The following ALG9 variants were observed in gnomAD, a reference collection of about 807,000 sequenced individuals.
ALG9 encodes alpha-1,2-mannosyltransferase ALG9.
Under a neutral mutation model 81.8 loss-of-function variants are expected in ALG9, and 55 were observed. The ratio of observed to expected loss-of-function variants is 0.67; its 90% CI spans 0.54 to 0.84. ALG9 has a LOEUF of 0.84. ALG9 is among the 40% of genes least tolerant of loss of function. The pLI, the probability that ALG9 is intolerant of heterozygous loss-of-function variation, is 0.00. For missense variants in ALG9, 629 were observed against 745.0 expected, an observed-to-expected ratio of 0.84 and a Z score of 1.81; for synonymous variants, 278 against 274.3, an observed-to-expected ratio of 1.01 and a Z score of -0.13.
chr11:111,826,866 T>C (rs1360882216), intron 13 of ALG9, among the ~76,000 whole-genome samples: 2 of 152,156 alleles, frequency 1.3e-5, no homozygotes, highest in Admixed American at 6.5e-5. Context: ...GATTTTATTG[T>C]TCTTTTTCTA....
intron 13 of ALG9, among the ~76,000 whole-genome samples, chr11:111,828,628 A>G (rs532772903): frequency 6.6e-6 from 1 of 152,274 alleles, no homozygotes; most frequent in Non-Finnish European, 1.5e-5. Context: ...TTGATAGAAC[A>G]CTTATCTTCC....
Position 111,837,559 on chromosome 11 carries a change from T to C in ALG9, c.1381A>G (p.Thr461Ala), listed in dbSNP as rs782706746. The C allele has an allele frequency of 5.1e-5, 83 of 1,614,010 alleles. No homozygotes were observed. The highest frequency in any genetic ancestry group is 3.2e-5 in the Non-Finnish European group (38 of 1,180,014). ...CTGCCTTCTGGGACAGTGTGGATGG[T>C]TGGGTCTGTAGCAATTCGGTAAAAT... ...PEFYRIATDP[T>A]IHTVPEGRPV... The change falls in exon 12 of 15, where the codon ACC (threonine) becomes GCC (alanine). Residue 461 changes from threonine to alanine, a missense_variant. Transcript: ENST00000616540.
At chr11:111,836,667 A>G (rs1555117931) in intron 12 of ALG9, 2 of 303,490 alleles carry the variant, frequency 6.6e-6, no homozygotes, top group East Asian at 1.7e-4. Context: ...AATATATGGC[A>G]CTGAGAACAC....
chr11:111,775,175 C>T, the ALG9 span, among the ~76,000 whole-genome samples: 1 of 152,180 alleles, frequency 6.6e-6, no homozygotes, highest in South Asian at 2.1e-4. Context: ...TCCAACTAGA[C>T]AGAGGTTTGA....
chr11:111,785,795 C>A lies in ALG9; in HGVS notation c.*602G>T. 4.1e-6 allele frequency: 1 copy of A among 241,804 alleles called. No homozygotes were observed. Among genetic ancestry groups the A allele is most frequent in the Non-Finnish European group, 8.3e-6 (1 of 119,984 alleles). 15.0% of individuals were successfully genotyped at this position (241,804 alleles called of 1,614,324 possible). ...CAGTTCCTCAAATGGTCACCTTTTT[C>A]CTGAGATAGCTCCAGGACAGGGTCC... On this transcript the variant is annotated 3_prime_UTR_variant, in exon 15 of 15. Transcript: ENST00000616540.
intron 13 of ALG9, among the ~76,000 whole-genome samples, chr11:111,815,934 G>C (rs1290177168): frequency 6.6e-6 from 1 of 152,176 alleles, no homozygotes; most frequent in African/African-American, 2.4e-5. Context: ...ACCTAGGTTA[G>C]TGTCTATTAT....
At chr11:111,806,449 C>G (rs534044277) in intron 14 of ALG9, among the ~76,000 whole-genome samples, 2 of 152,222 alleles carry the variant, frequency 1.3e-5, no homozygotes, top group African/African-American at 4.8e-5. Context: ...GCTTCTGACA[C>G]AGGTGACCAC....
rs782727331 is a variant in ALG9 at position 111,837,589 on chromosome 11, G to A, written c.1351C>T (p.Pro451Ser). 13 of 1,613,964 alleles carry A rather than the reference G, an allele frequency of 8.1e-6. No homozygotes were observed. The South Asian group carries it at 1.4e-4, about 18-fold the overall frequency. ...TCTGTAGCAATTCGGTAAAATTCTG[G>A]ATACAAATCAAGGGGCCCGTGATAT... Reference protein sequence around the residue: ...RGYHGPLDLYPEFYRIATDPT... With the variant: ...RGYHGPLDLYSEFYRIATDPT... The change falls in exon 12 of 15, where the codon CCA becomes TCA. Residue 451 changes from proline (P) to serine (S), a missense_variant. By Grantham distance (74) the Pro-to-Ser change is moderately conservative. Coordinates refer to ENST00000616540, the MANE Select transcript of ALG9 (RefSeq NM_024740.2).
intron 8 of ALG9, among the ~76,000 whole-genome samples, chr11:111,849,264 T>C (rs1191779082): frequency 6.6e-6 from 1 of 152,122 alleles, no homozygotes; most frequent in South Asian, 2.1e-4. Flanking sequence ...TCGGCCAGGC[T>C]GGTCTCGAAC....
intron 9 of ALG9, among the ~76,000 whole-genome samples, chr11:111,844,349 G>A (rs1956657137): frequency 6.6e-6 from 1 of 152,130 alleles, no homozygotes; most frequent in South Asian, 2.1e-4. Context: ...GGGTGATTGT[G>A]TAAATTATAT....
At position 111,784,407 on chromosome 11, in the gene ALG9, A is replaced by C. The variant is rs1255683394; in HGVS notation, c.*1990T>G. On this transcript the variant is annotated 3_prime_UTR_variant, in exon 15 of 15. Transcript: ENST00000616540. ...TCTCTTGGCACCAGTTCCTATTAGA[A>C]TGCCCTTCTCTTTGAAAATGAAAGA... 3 of 152,244 alleles carry C rather than the reference A, an allele frequency of 2.0e-5. 1 individual carries two copies. Among genetic ancestry groups the C allele is most frequent in the African/African-American group, 7.2e-5 (3 of 41,464 alleles). 9.4% of individuals were successfully genotyped at this position (152,244 alleles called of 1,614,324 possible). A position where few individuals can be genotyped will look rare whatever the true frequency, so the allele number is the denominator to read the frequency against.
At chr11:111,853,785 A>T in intron 6 of ALG9, 49 bp from the exon 7 acceptor site, 1 of 1,491,648 alleles carries the variant, frequency 6.7e-7, no homozygotes, top group Middle Eastern at 1.7e-4. Context: ...ACTGACAGAG[A>T]CAAATCAGAT....
intron 14 of ALG9, chr11:111,805,030 A>G: frequency 3.6e-6 from 1 of 276,758 alleles, no homozygotes; most frequent in Middle Eastern, 1.2e-3. Flanking sequence ...AGCTTTATTA[A>G]TAATTGCTGT....
chr11:111,838,783 T>A (rs557856690), intron 10 of ALG9, among the ~76,000 whole-genome samples: 2 of 152,244 alleles, frequency 1.3e-5, no homozygotes, highest in African/African-American at 2.4e-5. Context: ...ATCAAAGCTA[T>A]TAGTATCAAA....
chr11:111,863,230 C>T (rs1480926246), intron 4 of ALG9, among the ~76,000 whole-genome samples: 1 of 152,094 alleles, frequency 6.6e-6, no homozygotes, highest in Non-Finnish European at 1.5e-5. Context: ...TGGTGGTTTG[C>T]ACCTGTAATC....
At chr11:111,814,635 A>G (rs1462381247) in intron 13 of ALG9, 2 of 152,208 alleles carry the variant, frequency 1.3e-5, no homozygotes, top group African/African-American at 4.8e-5. Flanking sequence ...TCCACCTTAC[A>G]GAAATGTTCT....
chr11:111,812,489 C>T (rs1950871853), intron 13 of ALG9, among the ~76,000 whole-genome samples: 1 of 152,050 alleles, frequency 6.6e-6, no homozygotes, highest in Non-Finnish European at 1.5e-5. Context: ...ATTGCTTGAG[C>T]CCAGGAGGTC....
chr11:111,846,015 C>G (rs1405760549), intron 8 of ALG9, among the ~76,000 whole-genome samples: 2 of 152,128 alleles, frequency 1.3e-5, no homozygotes, highest in African/African-American at 4.8e-5. Context: ...TATTCCAGGC[C>G]CAGTTCATTA....
At chr11:111,864,865 C>A (rs947441013) in intron 4 of ALG9, among the ~76,000 whole-genome samples, 1 of 152,190 alleles carries the variant, frequency 6.6e-6, no homozygotes, top group East Asian at 1.9e-4. Context: ...ACAACCTCCA[C>A]CTCCCAAGTT....
Sources: gnomAD v4.1 joint callset for allele counts (sites outside exome capture counted in the v4.1 genomes callset) on GRCh38, gnomAD v4.1.1 for gene constraint, MANE v1.5 for transcripts, NCBI Gene and HGNC (gene_info 2026-07-23, HGNC 2026-07-21) for gene names.